The following MGAM2 variants were observed in gnomAD, a reference collection of about 807,000 sequenced individuals.
MGAM2 encodes the protein probable maltase-glucoamylase 2.
Under a neutral mutation model 96.1 loss-of-function variants are expected in MGAM2, and 98 were observed. The observed-to-expected ratio is 1.02, with a 90% CI of 0.87 to 1.21. The LOEUF is 1.21. MGAM2 is among the 50% of genes most tolerant of loss of function. The pLI is 0.00. For missense variants in MGAM2, 2,055 were observed against 1,182.4 expected, an observed-to-expected ratio of 1.74 and a Z score of -10.82; for synonymous variants, 749 against 414.8, an observed-to-expected ratio of 1.81 and a Z score of -9.79.
At position 142,136,576 on chromosome 7, in the gene MGAM2, C is replaced by T. The variant is rs1324302863; in HGVS notation, c.783C>T (p.Phe261=). The T allele has an allele frequency of 4.3e-6, 3 of 702,420 alleles. No individual in the cohort carries two copies. Among genetic ancestry groups the T allele is most frequent in the African/African-American group, 1.7e-5 (1 of 57,190 alleles). 43.5% of individuals were successfully genotyped at this position (702,420 alleles called of 1,614,324 possible). ...MINLYGAHTF[F]LCLEDARGSS... ...ATCTGTATGGAGCTCATACATTCTT[C>T]TTGTGCCTTGAAGATGCCAGGGGCT... Residue 261 remains phenylalanine, a synonymous_variant, in exon 8 of 48, where the codon TTC becomes TTT. Transcript: ENST00000477922.
At position 142,147,549 on chromosome 7, in the gene MGAM2, A is replaced by C. The variant is rs1187550256; in HGVS notation, c.1610A>C (p.His537Pro). ...LHYDIHSLYG[H>P]SMARTTNLAL... The stretch of plus-strand genomic sequence containing the variant: ...TATGACATCCACAGCTTGTATGGCC[A>C]CTCCATGGCAAGAACCACAAACTTG... Residue 537 changes from histidine (H) to proline (P), a missense_variant, in exon 15 of 48, where the codon CAC becomes CCC. Transcript: ENST00000477922. 1.4e-6 allele frequency: 1 copy of C among 702,514 alleles called. No homozygotes were observed. Among genetic ancestry groups the C allele is most frequent in the Non-Finnish European group, 2.6e-6 (1 of 384,854 alleles). The allele number at this position is 702,514 out of a possible 1,614,324, so 43.5% of individuals were successfully genotyped here.
At chr7:142,164,652 C>T (rs1795978934) in intron 23 of MGAM2, among the ~76,000 whole-genome samples, 1 of 151,938 alleles carries the variant, frequency 6.6e-6, no homozygotes, top group Non-Finnish European at 1.5e-5. Context: ...TGAACAAAAG[C>T]AAAGATGAAA....
intron 32 of MGAM2, among the ~76,000 whole-genome samples, chr7:142,178,274 A>C (rs1246503350): frequency 6.6e-6 from 1 of 152,082 alleles, no homozygotes; most frequent in African/African-American, 2.4e-5. Flanking sequence ...TGTCAGATTC[A>C]CAACTTGCTA....
At position 142,135,723 on chromosome 7, in the gene MGAM2, TACAC is replaced by T. The variant is rs144830276; in HGVS notation, c.748-790_748-787del. On this transcript the variant is annotated intron_variant, in intron 7 of 47. Coordinates refer to ENST00000477922, the MANE Select transcript of MGAM2 (RefSeq NM_001293626.2). The stretch of plus-strand genomic sequence containing the variant: ...CTTTTATTCTTACAGCACTTAGAGT[TACAC>T]ACACACACACACACACACACACACA... Among the ~76,000 whole-genome samples the T allele has an allele frequency of 1.7e-3, 246 of 145,186 alleles. 2 individuals are homozygous for T. The highest frequency in any genetic ancestry group is 5.6e-3 in the South Asian group (25 of 4,472).
intron 7 of MGAM2, among the ~76,000 whole-genome samples, chr7:142,135,723 T>TACACAAACACAC (rs1795037611): frequency 6.9e-6 from 1 of 145,114 alleles, no homozygotes; most frequent in Non-Finnish European, 1.5e-5. Flanking sequence ...CACTTAGAGT[T>TACACAAACACAC]ACACACACAC....
chr7:142,119,767 C>A (rs1563245750), intron 2 of MGAM2, among the ~76,000 whole-genome samples: 1 of 152,190 alleles, frequency 6.6e-6, no homozygotes, highest in Non-Finnish European at 1.5e-5. Context: ...GATTAACCTG[C>A]AAAACCTTAT....
chr7:142,203,309 G>A (rs901809127), intron 45 of MGAM2, among the ~76,000 whole-genome samples: 1 of 151,950 alleles, frequency 6.6e-6, no homozygotes, highest in Non-Finnish European at 1.5e-5. Flanking sequence ...TTTTGTTTTT[G>A]TTGTAATTGC....
chr7:142,149,036 G>A (rs948464814), intron 15 of MGAM2, among the ~76,000 whole-genome samples: 1 of 152,036 alleles, frequency 6.6e-6, no homozygotes, highest in Non-Finnish European at 1.5e-5. Flanking sequence ...AGACCAGCCT[G>A]GCCATCATAG....
intron 2 of MGAM2, among the ~76,000 whole-genome samples, chr7:142,118,186 C>T (rs916301943): frequency 6.6e-6 from 1 of 152,086 alleles, no homozygotes; most frequent in East Asian, 1.9e-4. Flanking sequence ...CCCCCTAACT[C>T]CTGACAACTA....
chr7:142,144,173 A>G (rs898015505), intron 13 of MGAM2, among the ~76,000 whole-genome samples: 2 of 152,202 alleles, frequency 1.3e-5, no homozygotes, highest in Non-Finnish European at 2.9e-5. Flanking sequence ...TTAAAACAGT[A>G]TTATAATTGC....
chr7:142,174,715 C>CTTT lies in MGAM2; in HGVS notation c.3688-921_3688-919dup, dbSNP rs34480300. 3.3e-4 allele frequency among the ~76,000 whole-genome samples: 28 copies of CTTT among 85,438 alleles called. 3 individuals are homozygous for CTTT. Among genetic ancestry groups the CTTT allele is most frequent in the East Asian group, 1.3e-3 (3 of 2,396 alleles). The allele number at this position is 85,438 out of a possible 152,430, so 56.1% of individuals were successfully genotyped here. On this transcript the variant is annotated intron_variant, in intron 31 of 47. Coordinates refer to ENST00000477922, the MANE Select transcript of MGAM2 (RefSeq NM_001293626.2). ...ATGCCCTTTATTTCTCTCTCTCTCT[C>CTTT]TTTTTTTTTTTTTTTTTTGAGTTGG...
chr7:142,202,369 G>C (rs551875334), intron 45 of MGAM2, among the ~76,000 whole-genome samples: 1 of 152,136 alleles, frequency 6.6e-6, no homozygotes, highest in African/African-American at 2.4e-5. Context: ...TTTGTTGCAT[G>C]GATGTATTGT....
chr7:142,158,253 A>G lies in MGAM2; in HGVS notation c.2084A>G (p.Tyr695Cys). 1 of 702,956 alleles carries G rather than the reference A, an allele frequency of 1.4e-6. No homozygotes were observed. The highest frequency in any genetic ancestry group is 2.6e-6 in the Non-Finnish European group (1 of 384,988). The allele number at this position is 702,956 out of a possible 1,614,324, so 43.5% of individuals were successfully genotyped here. Residue 695 changes from tyrosine to cysteine, a missense_variant, in exon 19 of 48, where the codon TAC (tyrosine) becomes TGC (cysteine). Coordinates refer to ENST00000477922, the MANE Select transcript of MGAM2 (RefSeq NM_001293626.2). ...TVARPLVHEF[Y>C]QDSATWDVHE... ...CTGTGCTACCTCTTTACTAGGTTCT[A>G]CCAGGACTCAGCCACGTGGGATGTG...
intron 45 of MGAM2, among the ~76,000 whole-genome samples, chr7:142,202,773 G>A (rs1321173017): frequency 6.6e-6 from 1 of 152,106 alleles, no homozygotes; most frequent in East Asian, 1.9e-4. Context: ...GTGCTGTGAG[G>A]AACATAAGAG....
intron 7 of MGAM2, 58 bp from the exon 8 acceptor site, chr7:142,136,483 G>A: frequency 1.8e-6 from 1 of 566,356 alleles, no homozygotes. Context: ...TTATTTTAGG[G>A]TGAATGAAAA....
chr7:142,114,144 A>G (rs930561421), intron 1 of MGAM2, among the ~76,000 whole-genome samples: 1 of 127,094 alleles, frequency 7.9e-6, no homozygotes, highest in South Asian at 2.8e-4. Flanking sequence ...AAAAGAAAGA[A>G]AGAAAGAAGG....
intron 19 of MGAM2, among the ~76,000 whole-genome samples, 191 bp downstream of exon 19, chr7:142,158,523 A>G (rs1795800651): frequency 1.3e-5 from 2 of 152,144 alleles, no homozygotes; most frequent in African/African-American, 4.8e-5. Context: ...AAACAAAACA[A>G]TTTTCATGTT....
At chr7:142,114,793 T>C (rs1817330017) in intron 1 of MGAM2, among the ~76,000 whole-genome samples, 2 of 152,244 alleles carry the variant, frequency 1.3e-5, no homozygotes, top group South Asian at 4.2e-4. Flanking sequence ...TGGAAACGCT[T>C]GGGTTGAGAA....
chr7:142,219,816 T>C (rs1382683682), intron 47 of MGAM2, 54 bp from the exon 48 acceptor site: 1 of 629,378 alleles, frequency 1.6e-6, no homozygotes, highest in African/African-American at 1.8e-5. Context: ...GTGAGCTACA[T>C]GTGAGGTTTA....
Sources: gnomAD v4.1 joint callset for allele counts (sites outside exome capture counted in the v4.1 genomes callset) on GRCh38, gnomAD v4.1.1 for gene constraint, MANE v1.5 for transcripts, NCBI Gene and HGNC (gene_info 2026-07-23, HGNC 2026-07-21) for gene names.